FRMD3: variants seen among roughly 807,000 people sequenced by gnomAD.
The protein encoded by FRMD3 is FERM domain containing 3, also known as FERM domain-containing protein 3.
FRMD3 carries 33 observed loss-of-function variants against 70.2 expected under a neutral mutation model. The observed-to-expected ratio is 0.47, with a 90% confidence interval of 0.36 to 0.63. The LOEUF (loss-of-function observed/expected upper bound fraction) is 0.63, where lower values mean the gene tolerates loss of function less well. FRMD3 is among the 20% of genes least tolerant of loss of function. The pLI is 0.00. For synonymous variants in FRMD3, 279 were observed against 255.9 expected (o/e 1.09, Z -0.86); for missense variants, 632 against 711.4 (o/e 0.89, Z 1.27).
intron 1 of FRMD3, among the ~76,000 whole-genome samples, chr9:83,393,987 G>A (rs1288138339): frequency 1.3e-5 from 2 of 151,508 alleles, no homozygotes; most frequent in African/African-American, 4.9e-5. Flanking sequence ...TAGACTGGAG[G>A]AATAAAAATC....
At chr9:83,434,866 A>G (rs1587849338) in intron 1 of FRMD3, among the ~76,000 whole-genome samples, 1 of 114,116 alleles carries the variant, frequency 8.8e-6, no homozygotes, top group African/African-American at 3.5e-5. Flanking sequence ...TGGCTCTGTC[A>G]CCCAGGCTGG....
intron 2 of FRMD3, among the ~76,000 whole-genome samples, chr9:83,380,338 G>A (rs1282864046): frequency 3.9e-5 from 6 of 152,166 alleles, no homozygotes; most frequent in African/African-American, 1.2e-4. Context: ...CTAACCCTAT[G>A]TTTTGGTTTC....
At chr9:83,407,128 G>A (rs1422784859) in intron 1 of FRMD3, among the ~76,000 whole-genome samples, 3 of 152,198 alleles carry the variant, frequency 2.0e-5, no homozygotes, top group African/African-American at 4.8e-5. Flanking sequence ...TTTGGAAATG[G>A]ATGAAATACT....
At chr9:83,303,848 A>G (rs1835015307) in intron 10 of FRMD3, among the ~76,000 whole-genome samples, 1 of 152,206 alleles carries the variant, frequency 6.6e-6, no homozygotes, top group African/African-American at 2.4e-5. Flanking sequence ...ATCACCTCCA[A>G]AAGAAACCAC....
intron 1 of FRMD3, among the ~76,000 whole-genome samples, chr9:83,425,955 A>C (rs1272024981): frequency 6.6e-6 from 1 of 151,762 alleles, no homozygotes; most frequent in Admixed American, 6.6e-5. Context: ...TGCGTGGAGA[A>C]CAGGGCTAGA....
intron 7 of FRMD3, among the ~76,000 whole-genome samples, chr9:83,313,453 G>A (rs1835439938): frequency 6.6e-6 from 1 of 152,148 alleles, no homozygotes; most frequent in African/African-American, 2.4e-5. Context: ...GCTACTACAT[G>A]GCAATCAATG....
intron 13 of FRMD3, among the ~76,000 whole-genome samples, chr9:83,270,668 C>A (rs1447696490): frequency 1.3e-5 from 2 of 152,158 alleles, no homozygotes; most frequent in Admixed American, 1.3e-4. Flanking sequence ...CATCTCTGAG[C>A]CTCAGTTTCC....
intron 1 of FRMD3, among the ~76,000 whole-genome samples, chr9:83,479,549 C>T (rs1828485181): frequency 7.1e-6 from 1 of 141,120 alleles, no homozygotes; most frequent in African/African-American, 2.7e-5. Context: ...GATCTTTCAG[C>T]CTGGGGGTTC....
intron 10 of FRMD3, among the ~76,000 whole-genome samples, chr9:83,301,581 C>T (rs1475775357): frequency 2.6e-5 from 4 of 151,858 alleles, no homozygotes; most frequent in African/African-American, 7.3e-5. Context: ...AAACTCAACA[C>T]TTTGCCCATT....
intron 7 of FRMD3, 150 bp from the exon 8 acceptor site, chr9:83,312,125 A>C (rs1460274927): frequency 6.2e-6 from 4 of 642,210 alleles, no homozygotes; most frequent in Non-Finnish European, 1.0e-5. Flanking sequence ...CTGAGATGGA[A>C]CTTCTAAGAG....
intron 1 of FRMD3, among the ~76,000 whole-genome samples, chr9:83,429,704 T>C (rs1826915249): frequency 6.6e-6 from 1 of 152,136 alleles, no homozygotes; most frequent in South Asian, 2.1e-4. Context: ...GAGTGGGAGA[T>C]TATTAGTCTT....
chr9:83,463,203 T>C (rs7851397), intron 1 of FRMD3, among the ~76,000 whole-genome samples: 58,197 of 152,090 alleles, frequency 0.38, 11,661 homozygotes, highest in Middle Eastern at 0.49. Context: ...TAACATTACA[T>C]ACTGAAATAT....
chr9:83,458,000 C>CAAAAAAAAAAAAA (rs10555580), intron 1 of FRMD3, among the ~76,000 whole-genome samples: 2 of 87,952 alleles, frequency 2.3e-5, no homozygotes, highest in Non-Finnish European at 4.4e-5. Context: ...TATTACCTCT[C>CAAAAAAAAAAAAA]AAAAAAAAAA....
rs548954301 is a variant in FRMD3, at chr9:83,527,578, C to G, written c.147+10507G>C. On this transcript the variant is annotated intron_variant, in intron 1 of 13. Transcript: ENST00000304195. ...GATGTCTGACTATTCCAGATGTGGTCCACAGACCAGCCACACAAGCACCAC... is the reference window on the plus strand; with the variant it reads ...GATGTCTGACTATTCCAGATGTGGTGCACAGACCAGCCACACAAGCACCAC... Among the ~76,000 whole-genome samples, 6 of 152,248 alleles carry G rather than the reference C, an allele frequency of 3.9e-5. 1 individual carries two copies. Among genetic ancestry groups the G allele is most frequent in the African/African-American group, 1.4e-4 (6 of 41,542 alleles).
intron 2 of FRMD3, 140 bp from the exon 3 acceptor site, chr9:83,373,095 A>T: frequency 8.8e-6 from 6 of 681,454 alleles, no homozygotes; most frequent in Non-Finnish European, 1.5e-5. Flanking sequence ...TCTGAAGACC[A>T]ACATAAACAA....
At chr9:83,276,200 C>T (rs564121564) in intron 13 of FRMD3, 1 of 152,320 alleles carries the variant, frequency 6.6e-6, no homozygotes, top group African/African-American at 2.4e-5. Flanking sequence ...TGGATAACAA[C>T]ACTGAACTTA....
intron 1 of FRMD3, among the ~76,000 whole-genome samples, chr9:83,396,406 G>C (rs771118044): frequency 6.6e-6 from 1 of 152,226 alleles, no homozygotes; most frequent in Non-Finnish European, 1.5e-5. Context: ...AAGGAACCCA[G>C]ATTTTCCTCA....
intron 1 of FRMD3, among the ~76,000 whole-genome samples, chr9:83,504,856 C>T (rs1829147536): frequency 6.6e-6 from 1 of 152,178 alleles, no homozygotes; most frequent in Admixed American, 6.5e-5. Context: ...TGTATTTCAA[C>T]ATCCTCTCAC....
At chr9:83,542,255 G>A (rs1392442554), upstream of FRMD3, among the ~76,000 whole-genome samples, 1 of 152,278 alleles carries the variant, frequency 6.6e-6, no homozygotes, top group East Asian at 1.9e-4. Flanking sequence ...TAACACTTTG[G>A]TAAGCCACAA....
Sources: gnomAD v4.1 joint callset for allele counts (sites outside exome capture counted in the v4.1 genomes callset) on GRCh38, gnomAD v4.1.1 for gene constraint, MANE v1.5 for transcripts, NCBI Gene and HGNC (gene_info 2026-07-23, HGNC 2026-07-21) for gene names.